IRF7: variants seen among roughly 807,000 people sequenced by gnomAD.
IRF7 encodes the protein interferon regulatory factor-7H.
IRF7 carries 67 observed loss-of-function variants against 51.3 expected under a neutral mutation model. The observed-to-expected ratio is 1.31, with a 90% CI of 1.07 to 1.60. The LOEUF (loss-of-function observed/expected upper bound fraction) is 1.60, where lower values mean the gene tolerates loss of function less well. Ranked by LOEUF, IRF7 falls within the 40% of genes most tolerant of loss-of-function variation. The probability of loss-of-function intolerance (pLI) is 0.00; values close to 1 mark genes in which losing one functional copy is unlikely to be tolerated. For missense variants in IRF7, 873 were observed against 701.5 expected (o/e 1.24, Z -2.76); for synonymous variants, 427 against 301.3 (o/e 1.42, Z -4.32).
At chr11:613,924 A>G in intron 7 of IRF7, 27 bp downstream of exon 7, 2 of 1,601,310 alleles carry the variant, frequency 1.2e-6, no homozygotes, top group Non-Finnish European at 1.7e-6. Context: ...CCTGTGCCCC[A>G]GGCCTCCCAA....
At position 615,913 on chromosome 11, in the gene IRF7, C is replaced by T. The variant is rs1317179615; in HGVS notation, c.-284G>A. Reference sequence around the variant, plus strand: ...CGCGTGGGTCTGGGGTCCCCAGTACCTGGGTGCCAGAGCCGCCGGGACGGG... The same window carrying T: ...CGCGTGGGTCTGGGGTCCCCAGTACTTGGGTGCCAGAGCCGCCGGGACGGG... On this transcript the variant is annotated splice_region_variant and 5_prime_UTR_variant, in exon 1 of 11. Transcript: ENST00000525445. 6.5e-6 allele frequency: 1 copy of T among 153,706 alleles called. No individual in the cohort carries two copies. The highest frequency in any genetic ancestry group is 1.4e-5 in the Non-Finnish European group (1 of 69,152). 9.5% of individuals were successfully genotyped at this position (153,706 alleles called of 1,614,324 possible). A position where few individuals can be genotyped will look rare whatever the true frequency, so the allele number is the denominator to read the frequency against.
chr11:613,429 C>A lies in IRF7; in HGVS notation c.1014G>T (p.Pro338=). 6.4e-7 allele frequency: 1 copy of A among 1,561,946 alleles called. No homozygotes were observed. The highest frequency in any genetic ancestry group is 8.7e-7 in the Non-Finnish European group (1 of 1,154,040). Residue 338 remains proline (P), a synonymous_variant, in exon 9 of 11, where the codon CCG becomes CCT. Transcript: ENST00000525445. The part of the protein sequence containing the change: ...QVAFPSPAEL[P]DQKQLRYTEE... ...CCGTGTAGCGCAGCTGCTTCTGGTCCGGGAGCTCGGCAGGGCTGGGGAATG... is the reference window on the plus strand; with the variant it reads ...CCGTGTAGCGCAGCTGCTTCTGGTCAGGGAGCTCGGCAGGGCTGGGGAATG...
Position 613,965 on chromosome 11 carries a change from G to T in IRF7, c.752C>A (p.Ala251Glu), listed in dbSNP as rs766856831. 4 of 1,605,884 alleles carry T rather than the reference G, an allele frequency of 2.5e-6. No individual in the cohort carries two copies. Among genetic ancestry groups the T allele is most frequent in the Non-Finnish European group, 3.4e-6 (4 of 1,177,680 alleles). Residue 251 changes from alanine (A) to glutamate (E), a missense_variant, in exon 7 of 11, where the codon GCG (alanine) becomes GAG (glutamate). By Grantham distance (107) the Ala-to-Glu change is moderately radical. Coordinates refer to ENST00000525445, the MANE Select transcript of IRF7 (RefSeq NM_001572.5). ...ACCCCTCTCACCTGTCGTTAGTGCCGCGGGCTGGGGCCCGGGGCTGGGGGT... is the reference window on the plus strand; with the variant it reads ...ACCCCTCTCACCTGTCGTTAGTGCCTCGGGCTGGGGCCCGGGGCTGGGGGT... ...ETTPSPGPQP[A>E]ALTTGEAAAP...
Position 615,333 on chromosome 11 carries a change from C to T in IRF7, c.20+12G>A, listed in dbSNP as rs745348705. Reference sequence around the variant, plus strand: ...GGGACTGGCATCTGGAGAGGGTGGGCCGGGCTCTTACCTCTCAGGAGCCAA... The same window carrying T: ...GGGACTGGCATCTGGAGAGGGTGGGTCGGGCTCTTACCTCTCAGGAGCCAA... On this transcript the variant is annotated intron_variant, in intron 2 of 10. Transcript: ENST00000525445. 42 of 1,547,080 alleles carry T rather than the reference C, an allele frequency of 2.7e-5. No homozygotes were observed. The highest frequency in any genetic ancestry group is 1.7e-4 in the Admixed American group (9 of 52,666).
chr11:612,927 GCT>G, intron 10 of IRF7, 70 bp downstream of exon 10: 1 of 1,586,650 alleles, frequency 6.3e-7, no homozygotes, highest in Admixed American at 1.7e-5. Context: ...CCTCTCCGAG[GCT>G]CTGAGGGCAT....
Position 613,553 on chromosome 11 carries a change from C to T in IRF7, c.890G>A (p.Gly297Asp). Residue 297 changes from glycine (G) to aspartate (D), a missense_variant, in exon 9 of 11, where the codon GGC (glycine) becomes GAC (aspartate). Coordinates refer to ENST00000525445, the MANE Select transcript of IRF7 (RefSeq NM_001572.5). ...GALDVTIMYK[G>D]RTVLQKVVGH... ...CACCACCTTCTGCAGCACCGTGCGG[C>T]CCTTGTACATGATGGTCACGTCCAG... is the stretch of plus-strand genomic sequence containing the variant. 1.3e-6 allele frequency: 2 copies of T among 1,578,896 alleles called. No homozygotes were observed. The highest frequency in any genetic ancestry group is 1.7e-6 in the Non-Finnish European group (2 of 1,164,280).
Position 613,875 on chromosome 11 carries a change from G to A in IRF7, c.767-10C>T, listed in dbSNP as rs781721730. Reference sequence around the variant, plus strand: ...GGGGCCGCGGCCTCGCCTGCATCCGGAAGGGAATCCTGTGCTGGCACCTCA... The same window carrying A: ...GGGGCCGCGGCCTCGCCTGCATCCGAAAGGGAATCCTGTGCTGGCACCTCA... On this transcript the variant is annotated splice_polypyrimidine_tract_variant and intron_variant, in intron 7 of 10. Coordinates refer to ENST00000525445, the MANE Select transcript of IRF7 (RefSeq NM_001572.5). The A allele has an allele frequency of 1.3e-6, 2 of 1,598,964 alleles. No homozygotes were observed. The highest frequency in any genetic ancestry group is 1.7e-5 in the Admixed American group (1 of 58,368).
Position 614,469 on chromosome 11 carries a change from AGGG to A in IRF7, c.453+4_453+6del. The A allele has an allele frequency of 6.4e-7, 1 of 1,568,280 alleles. No homozygotes were observed. Among genetic ancestry groups the A allele is most frequent in the Non-Finnish European group, 8.6e-7 (1 of 1,156,332 alleles). The stretch of plus-strand genomic sequence containing the variant: ...GCAGGAGGAGAGGCAGGCAGAGAGA[AGGG>A]TACCTGTGGTGGTGGGACAGCTGCG... On this transcript the variant is annotated splice_donor_5th_base_variant and intron_variant, in intron 5 of 10. Transcript: ENST00000525445.
At chr11:614,738 T>C (rs971543417) in intron 4 of IRF7, 59 bp downstream of exon 4, 164 of 1,483,992 alleles carry the variant, frequency 1.1e-4, no homozygotes, top group Non-Finnish European at 1.4e-4. Flanking sequence ...ACCCAGAGAA[T>C]GTTCCCCTTT....
Position 612,716 on chromosome 11 carries a change from A to AGAGGCT in IRF7, c.1435_1440dup (p.Ser479_Leu480dup). On this transcript the variant is annotated inframe_insertion, in exon 11 of 11. Coordinates refer to ENST00000525445, the MANE Select transcript of IRF7 (RefSeq NM_001572.5). ...TAGAGGCTGTTGGCGCTGGACAGGCAGAGGCTGAGGCTGCTGCTATCCAGG... is the reference window on the plus strand; with the variant it reads ...TAGAGGCTGTTGGCGCTGGACAGGCAGAGGCTGAGGCTGAGGCTGCTGCTATCCAGG... 6.2e-7 allele frequency: 1 copy of AGAGGCT among 1,612,958 alleles called. No individual in the cohort carries two copies. The highest frequency in any genetic ancestry group is 8.5e-7 in the Non-Finnish European group (1 of 1,180,012).
In IRF7 at chr11:612,721, C is replaced by T. The variant is rs1221395132; in HGVS notation, c.1436G>A (p.Ser479Asn). The change falls in exon 11 of 11, where the codon AGC becomes AAC. Residue 479 changes from serine to asparagine, a missense_variant. By Grantham distance (46) the Ser-to-Asn change is conservative. Coordinates refer to ENST00000525445, the MANE Select transcript of IRF7 (RefSeq NM_001572.5). ...GVSSLDSSSLSLCLSSANSLY... is the reference protein window; with the variant it reads ...GVSSLDSSSLNLCLSSANSLY... Reference sequence around the variant, plus strand: ...GCTGTTGGCGCTGGACAGGCAGAGGCTGAGGCTGCTGCTATCCAGGGAAGA... The same window carrying T: ...GCTGTTGGCGCTGGACAGGCAGAGGTTGAGGCTGCTGCTATCCAGGGAAGA... 6.2e-7 allele frequency: 1 copy of T among 1,612,692 alleles called. No individual in the cohort carries two copies. Among genetic ancestry groups the T allele is most frequent in the African/African-American group, 1.3e-5 (1 of 74,930 alleles).
At chr11:614,556 G>A (rs748843024) in intron 4 of IRF7, 22 bp from the exon 5 acceptor site, 39 of 1,550,456 alleles carry the variant, frequency 2.5e-5, no homozygotes, top group Non-Finnish European at 3.0e-5. Context: ...TGGGGCAGGC[G>A]TTAGGCCCCG....
chr11:614,373 T>A lies in IRF7; in HGVS notation c.480A>T (p.Ala160=), dbSNP rs754110927. ...GGGCTTGGAGTCCAGCATGTGTGTG[T>A]GCCAGGAATGGCCCTGGGGGCCCAC... ...PQGGPPGPFL[A]HTHAGLQAPG... is the part of the protein sequence containing the mutation. The change falls in exon 6 of 11, where the codon GCA becomes GCT. Residue 160 remains alanine, a synonymous_variant. Transcript: ENST00000525445. The A allele has an allele frequency of 2.5e-6, 4 of 1,608,268 alleles. No individual in the cohort carries two copies. The Admixed American group carries it at 6.7e-5, about 27-fold the overall frequency.
rs750074456 is a variant in IRF7 at position 613,593 on chromosome 11, G to A, written c.850C>T (p.Pro284Ser). Residue 284 changes from proline (P) to serine (S), a missense_variant and splice_region_variant, in exon 9 of 11, where the codon CCC becomes TCC. Pro to Ser is a moderately conservative substitution (Grantham distance 74). Coordinates refer to ENST00000525445, the MANE Select transcript of IRF7 (RefSeq NM_001572.5). ...GTCACGTCCAGCGCCCCTGGGCTGG[G>A]CTCTGTGTGGAGACCAAGCTGTGAG... ...SPSACTAVQE[P>S]SPGALDVTIM... The A allele has an allele frequency of 1.2e-5, 19 of 1,548,054 alleles. No individual in the cohort carries two copies. The highest frequency in any genetic ancestry group is 1.6e-5 in the Non-Finnish European group (19 of 1,152,482).
chr11:615,423 G>C lies in IRF7; in HGVS notation c.-59C>G. 6.9e-7 allele frequency: 1 copy of C among 1,452,854 alleles called. No individual in the cohort carries two copies. The highest frequency in any genetic ancestry group is 9.0e-7 in the Non-Finnish European group (1 of 1,106,576). The allele number at this position is 1,452,854 out of a possible 1,614,324, so 90.0% of individuals were successfully genotyped here. On this transcript the variant is annotated 5_prime_UTR_variant, in exon 2 of 11. Transcript: ENST00000525445. Reference sequence around the variant, plus strand: ...AGGTGTTATAACAGGGGAGGTAAGGGCTCCTGTCGCAGCAGACGCCAGGCC... The same window carrying C: ...AGGTGTTATAACAGGGGAGGTAAGGCCTCCTGTCGCAGCAGACGCCAGGCC...
rs200208749 is a variant in IRF7, at chr11:613,901, T to C, written c.767-36A>G. 120 of 1,598,708 alleles carry C rather than the reference T, an allele frequency of 7.5e-5. No individual in the cohort carries two copies. In the African/African-American group the frequency reaches 1.4e-3, roughly 19 times the overall value. On this transcript the variant is annotated intron_variant, in intron 7 of 10. Coordinates refer to ENST00000525445, the MANE Select transcript of IRF7 (RefSeq NM_001572.5). ...AAGGGAATCCTGTGCTGGCACCTCA[T>C]CCCTAGCCTCTCCCTGTGCCCCAGG...
rs1856547814 is a variant in IRF7, at chr11:613,234, G to A, written c.1209C>T (p.Pro403=). ...GGAAGAAGACTCTGAAGTCGAAGAT[G>A]GGGGTGTCACAGTTCCGAGGCAGCA... ...ACLLPRNCDT[P]IFDFRVFFQE... The change falls in exon 9 of 11, where the codon CCC becomes CCT. Residue 403 remains proline, a synonymous_variant. Coordinates refer to ENST00000525445, the MANE Select transcript of IRF7 (RefSeq NM_001572.5). The A allele has an allele frequency of 6.3e-7, 1 of 1,592,672 alleles. No homozygotes were observed. The highest frequency in any genetic ancestry group is 8.6e-7 in the Non-Finnish European group (1 of 1,169,494).
rs376570562 is a variant in IRF7 at position 613,364 on chromosome 11, T to A, written c.1079A>T (p.Glu360Val). Residue 360 changes from glutamate to valine, a missense_variant, in exon 9 of 11, where the codon GAG becomes GTG. Transcript: ENST00000525445. ...GGCCCACAGCTGTGGCCCCCGAAGC[T>A]CCAGGTGCAACCCAGGGGCCACGTG... ...LRHVAPGLHL[E>V]LRGPQLWARR... 3.3e-5 allele frequency: 53 copies of A among 1,610,186 alleles called. No homozygotes were observed. Among genetic ancestry groups the A allele is most frequent in the Non-Finnish European group, 4.4e-5 (52 of 1,179,054 alleles).
chr11:614,592 A>G lies in IRF7; in HGVS notation c.395-58T>C, dbSNP rs893689634. On this transcript the variant is annotated intron_variant, in intron 4 of 10. Transcript: ENST00000525445. The stretch of plus-strand genomic sequence containing the variant: ...ACACCAGAGTGAGAGATACAAGGAG[A>G]GCCTGGTGTAGCCCCCACCAGCTTC... The G allele has an allele frequency of 8.5e-6, 13 of 1,534,238 alleles. No homozygotes were observed. In the South Asian group the frequency reaches 1.4e-4, roughly 17 times the overall value.
Sources: allele counts gnomAD v4.1 joint callset, GRCh38; gene constraint gnomAD v4.1.1; transcripts MANE v1.5; gene names NCBI Gene and HGNC (gene_info 2026-07-23, HGNC 2026-07-21).